NDST2: variants seen among roughly 807,000 people sequenced by gnomAD.
NDST2 encodes the protein N-deacetylase and N-sulfotransferase 2.
A neutral mutation model predicts 86.9 loss-of-function variants in NDST2; 32 were observed. The observed-to-expected ratio is 0.37, with a 90% confidence interval of 0.28 to 0.49. NDST2 has a LOEUF of 0.49. Among genes scored for constraint, NDST2 ranks in the 20% least tolerant of loss-of-function variants. The pLI, the probability that NDST2 is intolerant of heterozygous loss-of-function variation, is 0.97. For missense variants in NDST2, 950 were observed against 1,146.9 expected (o/e 0.83, Z 2.48); for synonymous variants, 409 against 437.0 (o/e 0.94, Z 0.80).
rs2084090550 is a variant in NDST2 at position 73,805,757 on chromosome 10, T to TA, written c.1575dup (p.Met526TyrfsTer10). 1 of 1,614,090 alleles carries TA rather than the reference T, an allele frequency of 6.2e-7. No homozygotes were observed. Among genetic ancestry groups the TA allele is most frequent in the Admixed American group, 1.7e-5 (1 of 60,010 alleles). On this transcript the variant is annotated frameshift_variant, in exon 8 of 15. Transcript: ENST00000309979. LOFTEE classifies it high-confidence loss of function. ...TTTCCATAATTGGACAGATGGGTCA[T>TA]AAAGATGCTGATCTGTAAGGGGTAC...
chr10:73,804,703 G>C (rs1362422727), intron 9 of NDST2, 70 bp downstream of exon 9: 1 of 890,134 alleles, frequency 1.1e-6, no homozygotes, highest in Non-Finnish European at 1.8e-6. Context: ...GGAGAGAGAA[G>C]AGAGTTCCTT....
In NDST2 at chr10:73,801,942, A is replaced by G; in HGVS notation, c.*509T>C. On this transcript the variant is annotated 3_prime_UTR_variant, in exon 15 of 15. Transcript: ENST00000309979. The surrounding 1 kb of genome is among the most constrained non-coding windows in gnomAD (Gnocchi z 4.9). ...AAAAATAAGGATGTTTATTAAGGAC[A>G]TTTCTAGCCCACAGCTAGGGCTCAT... 4.9e-6 allele frequency: 2 copies of G among 405,358 alleles called. No individual in the cohort carries two copies. Among genetic ancestry groups the G allele is most frequent in the South Asian group, 4.3e-5 (2 of 46,454 alleles). The allele number at this position is 405,358 out of a possible 1,614,324, so 25.1% of individuals were successfully genotyped here.
In NDST2 at chr10:73,805,617, A is replaced by G. The variant is rs1287631587; in HGVS notation, c.1716T>C (p.Leu572=). The change falls in exon 8 of 15, where the codon CTT becomes CTC. Residue 572 remains leucine, a synonymous_variant. Transcript: ENST00000309979. ...AAAGGGGGCTTCGCTCCTGAGGGAA[A>G]AGTTCAAAGTACTTCTGTGCAAGTG... ...PVPLAQKYFE[L]FPQERSPLWQ... 1.2e-6 allele frequency: 2 copies of G among 1,614,182 alleles called. No homozygotes were observed. Among genetic ancestry groups the G allele is most frequent in the African/African-American group, 2.7e-5 (2 of 75,040 alleles).
chr10:73,802,912 T>C lies in NDST2; in HGVS notation c.2423+60A>G, dbSNP rs746837499. The C allele has an allele frequency of 3.8e-6, 6 of 1,560,352 alleles. No individual in the cohort carries two copies. The South Asian group carries it at 6.7e-5, about 17-fold the overall frequency. ...AGTAAATCTATGTCTCTAACAGACA[T>C]GGTCAACCTGCTTCCCCATTTCCCA... On this transcript the variant is annotated intron_variant, in intron 13 of 14. Coordinates refer to ENST00000309979, the MANE Select transcript of NDST2 (RefSeq NM_003635.4).
In NDST2 at chr10:73,803,987, G is replaced by C; in HGVS notation, c.1873C>G (p.Leu625Val). The C allele has an allele frequency of 6.2e-7, 1 of 1,614,124 alleles. No individual in the cohort carries two copies. Among genetic ancestry groups the C allele is most frequent in the Non-Finnish European group, 8.5e-7 (1 of 1,180,028 alleles). Residue 625 changes from leucine to valine, a missense_variant, in exon 10 of 15, where the codon CTG (leucine) becomes GTG (valine). Physicochemically the swap from Leu to Val is conservative, Grantham distance 32. Coordinates refer to ENST00000309979, the MANE Select transcript of NDST2 (RefSeq NM_003635.4). ...GTTAIHFFLS[L>V]HPAVTSSFPS... ...AAGCTGCTAGTTACAGCTGGGTGCA[G>C]GCTCAGGAAGAAGTGAATAGCTGTA...
chr10:73,806,414 G>A lies in NDST2; in HGVS notation c.1309C>T (p.Pro437Ser). 6.2e-7 allele frequency: 1 copy of A among 1,613,374 alleles called. No homozygotes were observed. The highest frequency in any genetic ancestry group is 8.5e-7 in the Non-Finnish European group (1 of 1,179,512). Reference protein sequence around the residue: ...AVAPHHSGVYPIHTQLYEAWK... With the variant: ...AVAPHHSGVYSIHTQLYEAWK... ...GCCTCATAGAGCTGCGTGTGGATGGGGTACACACCCGAGTGGTGGGGGGCC... is the reference window on the plus strand; with the variant it reads ...GCCTCATAGAGCTGCGTGTGGATGGAGTACACACCCGAGTGGTGGGGGGCC... Residue 437 changes from proline to serine, a missense_variant, in exon 6 of 15, where the codon CCC (proline) becomes TCC (serine). Physicochemically the swap from Pro to Ser is moderately conservative, Grantham distance 74. This residue lies in a region of NDST2 where 586 missense variants were observed against 714.0 expected (regional missense o/e 0.82). Coordinates refer to ENST00000309979, the MANE Select transcript of NDST2 (RefSeq NM_003635.4). The surrounding 1 kb of genome is among the most constrained non-coding windows in gnomAD (Gnocchi z 4.5).
chr10:73,806,186 C>T lies in NDST2; in HGVS notation c.1434+103G>A, dbSNP rs746720377. The T allele has an allele frequency of 2.9e-4, 440 of 1,535,266 alleles. No individual in the cohort carries two copies. Among genetic ancestry groups the T allele is most frequent in the Non-Finnish European group, 3.8e-4 (425 of 1,116,056 alleles). ...CACCTTTCTACCCCCAATTATGTAC[C>T]CCCATACTTGGACTGGCAGTTGATA... On this transcript the variant is annotated intron_variant, in intron 6 of 14. Transcript: ENST00000309979. The surrounding 1 kb of genome is among the most constrained non-coding windows in gnomAD (Gnocchi z 4.5).
At chr10:73,802,919 C>G in intron 13 of NDST2, 53 bp downstream of exon 13, 1 of 1,573,072 alleles carries the variant, frequency 6.4e-7, no homozygotes, top group Non-Finnish European at 8.8e-7. Context: ...ACATGGTCAA[C>G]CTGCTTCCCC....
At chr10:73,804,988 C>T (rs2084074070) in intron 8 of NDST2, 119 bp from the exon 9 acceptor site, 1 of 538,448 alleles carries the variant, frequency 1.9e-6, no homozygotes, top group Non-Finnish European at 3.3e-6. Flanking sequence ...GCAACCTCCG[C>T]CTCCTGGGTT....
intron 11 of NDST2, 59 bp downstream of exon 11, chr10:73,803,515 A>G: frequency 4.8e-6 from 5 of 1,047,006 alleles, no homozygotes; most frequent in Non-Finnish European, 7.3e-6. Flanking sequence ...TCTAGCAGTC[A>G]CTGTCCCCTC....
upstream of NDST2, chr10:73,811,734 G>A (rs956043641): frequency 6.6e-6 from 1 of 152,176 alleles, no homozygotes; most frequent in Non-Finnish European, 1.5e-5. Flanking sequence ...GCCCTCCGCA[G>A]TGCCGGGCCG....
At position 73,804,015 on chromosome 10, in the gene NDST2, C is replaced by A. The variant is rs751685854; in HGVS notation, c.1845G>T (p.Gly615=). ...TCAGGAAGAAGTGAATAGCTGTAGT[C>A]CCTAAATGGGAGAGAAAGACCAGCT... ...KFLIVGPQKT[G]TTAIHFFLSL... Residue 615 remains glycine (G), a splice_region_variant and synonymous_variant, in exon 10 of 15, where the codon GGG becomes GGT. Coordinates refer to ENST00000309979, the MANE Select transcript of NDST2 (RefSeq NM_003635.4). 6.2e-7 allele frequency: 1 copy of A among 1,613,504 alleles called. No individual in the cohort carries two copies. Among genetic ancestry groups the A allele is most frequent in the South Asian group, 1.1e-5 (1 of 91,028 alleles).
In NDST2 at chr10:73,806,974, G is replaced by A. The variant is rs2084114485; in HGVS notation, c.1093+134C>T. 6.4e-6 allele frequency: 9 copies of A among 1,405,656 alleles called. No individual in the cohort carries two copies. The highest frequency in any genetic ancestry group is 1.2e-5 in the South Asian group (1 of 81,062). 87.1% of individuals were successfully genotyped at this position (1,405,656 alleles called of 1,614,324 possible). ...GCCACCCATGCGAACCTAAATTCAT[G>A]CCCACCACTAGCTCCTCACAGCAGT... On this transcript the variant is annotated intron_variant, in intron 4 of 14. Transcript: ENST00000309979. This position sits in a 1 kb window ranked among gnomAD's most constrained non-coding sequence, Gnocchi z 4.5.
At position 73,803,709 on chromosome 10, in the gene NDST2, A is replaced by G. The variant is rs141948558; in HGVS notation, c.2007T>C (p.Thr669=). ...TGGCACTTTTTTCAAATAGGAAATCAGTGCTGGCATTGGAAGGAACAGGGA... is the reference window on the plus strand; with the variant it reads ...TGGCACTTTTTTCAAATAGGAAATCGGTGCTGGCATTGGAAGGAACAGGGA... ...DFFPVPSNAS[T]DFLFEKSATY... The change falls in exon 11 of 15, where the codon ACT becomes ACC. Residue 669 remains threonine, a synonymous_variant. Coordinates refer to ENST00000309979, the MANE Select transcript of NDST2 (RefSeq NM_003635.4). 1 of 1,614,064 alleles carries G rather than the reference A, an allele frequency of 6.2e-7. No individual in the cohort carries two copies. Among genetic ancestry groups the G allele is most frequent in the Non-Finnish European group, 8.5e-7 (1 of 1,180,052 alleles).
In NDST2 at chr10:73,808,204, CCAG is replaced by C. The variant is rs1458636835; in HGVS notation, c.182_184del (p.Ala61del). On this transcript the variant is annotated inframe_deletion, in exon 3 of 15. Coordinates refer to ENST00000309979, the MANE Select transcript of NDST2 (RefSeq NM_003635.4). This position sits in a 1 kb window ranked among gnomAD's most constrained non-coding sequence, Gnocchi z 4.3. ...AACTGGAGGCCGTGCAGGGCCAGGACCAGCTGCCCCACCGCTGCTGCAGTCTCC... is the reference window on the plus strand; with the variant it reads ...AACTGGAGGCCGTGCAGGGCCAGGACCTGCCCCACCGCTGCTGCAGTCTCC... 6.2e-7 allele frequency: 1 copy of C among 1,613,596 alleles called. No individual in the cohort carries two copies. The highest frequency in any genetic ancestry group is 8.5e-7 in the Non-Finnish European group (1 of 1,179,742).
At position 73,807,995 on chromosome 10, in the gene NDST2, G is replaced by A. The variant is rs1046482055; in HGVS notation, c.394C>T (p.His132Tyr). Reference protein sequence around the residue: ...GDMPTLTDNTHGRYVLVIYEN... With the variant: ...GDMPTLTDNTYGRYVLVIYEN... ...TAAATGACCAAGACATAGCGGCCAT[G>A]GGTATTATCAGTCAATGTGGGCATG... Residue 132 changes from histidine (H) to tyrosine (Y), a missense_variant, in exon 3 of 15, where the codon CAT (histidine) becomes TAT (tyrosine). Coordinates refer to ENST00000309979, the MANE Select transcript of NDST2 (RefSeq NM_003635.4). 1.9e-6 allele frequency: 3 copies of A among 1,614,140 alleles called. No homozygotes were observed. The highest frequency in any genetic ancestry group is 2.5e-6 in the Non-Finnish European group (3 of 1,180,056).
In NDST2 at chr10:73,802,306, C is replaced by A. The variant is rs1311916801; in HGVS notation, c.*145G>T. On this transcript the variant is annotated 3_prime_UTR_variant, in exon 15 of 15. Transcript: ENST00000309979. The stretch of plus-strand genomic sequence containing the variant: ...CCCAGAACTGTGGGAAAAGGATACC[C>A]TTCCCTTCTCAGCCATCTCAGGCCT... The A allele has an allele frequency of 3.7e-6, 3 of 813,616 alleles. No homozygotes were observed. The allele number at this position is 813,616 out of a possible 1,614,324, so 50.4% of individuals were successfully genotyped here. A position where few individuals can be genotyped will look rare whatever the true frequency, so the allele number is the denominator to read the frequency against.
Position 73,806,296 on chromosome 10 carries a change from C to G in NDST2, c.1427G>C (p.Gly476Ala). 1 of 1,613,728 alleles carries G rather than the reference C, an allele frequency of 6.2e-7. No homozygotes were observed. The highest frequency in any genetic ancestry group is 8.5e-7 in the Non-Finnish European group (1 of 1,179,952). Residue 476 changes from glycine (G) to alanine (A), a missense_variant, in exon 6 of 15, where the codon GGC becomes GCC. Around this residue, in one of 5 missense-constraint regions of NDST2, gnomAD observed 586 missense variants for 714.0 expected, o/e 0.82. Coordinates refer to ENST00000309979, the MANE Select transcript of NDST2 (RefSeq NM_003635.4). This position sits in a 1 kb window ranked among gnomAD's most constrained non-coding sequence, Gnocchi z 4.5. ...ARYRRGFIHN[G>A]IMVLPRQTCG... is the part of the protein sequence containing the mutation. Reference sequence around the variant, plus strand: ...GTATTGGGAGTCCCTCACCATAATGCCATTGTGAATGAAGCCACGGCGGTA... The same window carrying G: ...GTATTGGGAGTCCCTCACCATAATGGCATTGTGAATGAAGCCACGGCGGTA...
In NDST2 at chr10:73,808,653, C is replaced by G. The variant is rs981368302; in HGVS notation, c.-265G>C. 2.4e-6 allele frequency: 1 copy of G among 418,154 alleles called. No individual in the cohort carries two copies. 25.9% of individuals were successfully genotyped at this position (418,154 alleles called of 1,614,324 possible). ...TGGCCCATGGCTTCAGGCTGCAAAT[C>G]TTGCCAGGCTCTCCCCTTGGCCCTG... On this transcript the variant is annotated 5_prime_UTR_variant, in exon 3 of 15. Transcript: ENST00000309979. This position sits in a 1 kb window ranked among gnomAD's most constrained non-coding sequence, Gnocchi z 4.3.
Sources: gnomAD v4.1 joint callset for allele counts on GRCh38, gnomAD v4.1.1 for gene constraint, gnomAD v4.1.1 regional missense constraint, Gnocchi (gnomAD v3.1) non-coding constraint, MANE v1.5 for transcripts, NCBI Gene and HGNC (gene_info 2026-07-23, HGNC 2026-07-21) for gene names.